Variants in FREM1 observed in about 807,000 individuals in gnomAD.
The protein encoded by FREM1 is FRAS1-related extracellular matrix protein 1.
A neutral mutation model predicts 210.1 loss-of-function variants in FREM1; 220 were observed. That is an observed-to-expected ratio of 1.05 (90% CI 0.94 to 1.17). The LOEUF is 1.17. FREM1 is among the 50% of genes most tolerant of loss of function. The pLI is 0.00. For synonymous variants in FREM1, 1,189 were observed against 980.2 expected (o/e 1.21, Z -3.98); for missense variants, 3,454 against 2,675.5 (o/e 1.29, Z -6.42).
At chr9:14,890,306 A>C (rs1377123207) in intron 1 of FREM1, among the ~76,000 whole-genome samples, 1 of 152,240 alleles carries the variant, frequency 6.6e-6, no homozygotes, top group Non-Finnish European at 1.5e-5. Flanking sequence ...CCAATAGCTC[A>C]AACTCTACCC....
rs140156733 is a variant in FREM1 at position 14,852,106 on chromosome 9, C to T, written c.829-499G>A. ...GCACTCACCAACAACCTCCTCCAGCCGCCTTCCTCACCTCCTGTCATGTAG... is the reference window on the plus strand; with the variant it reads ...GCACTCACCAACAACCTCCTCCAGCTGCCTTCCTCACCTCCTGTCATGTAG... On this transcript the variant is annotated intron_variant, in intron 5 of 36. Transcript: ENST00000380880. 1.3e-3 allele frequency among the ~76,000 whole-genome samples: 200 copies of T among 152,302 alleles called. 1 individual carries two copies. Among genetic ancestry groups the T allele is most frequent in the African/African-American group, 4.3e-3 (178 of 41,558 alleles).
At chr9:14,847,577 G>A (rs1384701943) in intron 7 of FREM1, among the ~76,000 whole-genome samples, 2 of 152,076 alleles carry the variant, frequency 1.3e-5, no homozygotes, top group Non-Finnish European at 2.9e-5. Flanking sequence ...AGGAACAATC[G>A]AGAAGCCTAG....
At chr9:14,788,852 C>T (rs1320668117) in intron 23 of FREM1, 67 bp downstream of exon 23, 17 of 1,199,166 alleles carry the variant, frequency 1.4e-5, no homozygotes, top group Middle Eastern at 2.0e-4. Flanking sequence ...GAGAAAGAAA[C>T]GAATGTGGAA....
At chr9:14,877,769 G>A (rs971247183) in intron 1 of FREM1, among the ~76,000 whole-genome samples, 7 of 152,114 alleles carry the variant, frequency 4.6e-5, no homozygotes, top group African/African-American at 1.2e-4. Flanking sequence ...AATGAAGGCC[G>A]TCAACATCTT....
chr9:14,824,898 G>C lies in FREM1; in HGVS notation c.1976C>G (p.Ala659Gly), dbSNP rs781088204. 6.2e-7 allele frequency: 1 copy of C among 1,612,200 alleles called. No individual in the cohort carries two copies. Among genetic ancestry groups the C allele is most frequent in the South Asian group, 1.1e-5 (1 of 90,478 alleles). ...ATGTAGCTGTTTCTTAGTTATATAGGCCACCTCAGTTTCCTTGACAACCAA... is the reference window on the plus strand; with the variant it reads ...ATGTAGCTGTTTCTTAGTTATATAGCCCACCTCAGTTTCCTTGACAACCAA... ...RHLVVKETEV[A>G]YITKKQLHFI... Residue 659 changes from alanine (A) to glycine (G), a missense_variant, in exon 11 of 37, where the codon GCC (alanine) becomes GGC (glycine). Coordinates refer to ENST00000380880, the MANE Select transcript of FREM1 (RefSeq NM_001379081.2).
At chr9:14,876,023 C>G (rs12235299) in intron 1 of FREM1, among the ~76,000 whole-genome samples, 9,552 of 152,194 alleles carry the variant, frequency 0.063, 356 homozygotes, top group East Asian at 0.14. Flanking sequence ...GCTGTCTGAT[C>G]GTTCCTCTGG....
At chr9:14,899,558 A>G (rs1312756523) in intron 1 of FREM1, among the ~76,000 whole-genome samples, 1 of 152,244 alleles carries the variant, frequency 6.6e-6, no homozygotes, top group Non-Finnish European at 1.5e-5. Flanking sequence ...AGGAGGATAC[A>G]GCAATGTAGA....
At chr9:14,902,787 T>C (rs116371508) in intron 1 of FREM1, among the ~76,000 whole-genome samples, 1 of 152,186 alleles carries the variant, frequency 6.6e-6, no homozygotes, top group African/African-American at 2.4e-5. Context: ...TGCCAAACTC[T>C]AAGTCCAGAG....
In FREM1 at chr9:14,784,553, A is replaced by G; in HGVS notation, c.4259T>C (p.Val1420Ala). 6.2e-7 allele frequency: 1 copy of G among 1,613,480 alleles called. No individual in the cohort carries two copies. The highest frequency in any genetic ancestry group is 8.5e-7 in the Non-Finnish European group (1 of 1,179,714). ...TTCCTCAGGCTTGTCTGTTCCGTCC[A>G]CAGCCAGGAGCGTGGTGGTTGTTAA... ...GFLTTTTLLAVDGTDKPEELL... is the reference protein window; with the variant it reads ...GFLTTTTLLAADGTDKPEELL... Residue 1420 changes from valine to alanine, a missense_variant, in exon 24 of 37, where the codon GTG becomes GCG. Val to Ala is a moderately conservative substitution (Grantham distance 64). Coordinates refer to ENST00000380880, the MANE Select transcript of FREM1 (RefSeq NM_001379081.2).
intron 19 of FREM1, 84 bp from the exon 20 acceptor site, chr9:14,801,958 G>T: frequency 1.0e-6 from 1 of 952,708 alleles, no homozygotes; most frequent in Admixed American, 2.3e-5. Flanking sequence ...GAAATCACTT[G>T]AATATATCCT....
intron 15 of FREM1, 93 bp downstream of exon 15, chr9:14,816,685 C>G (rs986294029): frequency 1.7e-5 from 10 of 600,716 alleles, no homozygotes; most frequent in Non-Finnish European, 2.5e-5. Flanking sequence ...AAATAAATTT[C>G]TTTTCATTAT....
intron 27 of FREM1, among the ~76,000 whole-genome samples, chr9:14,768,456 G>C (rs947515230): frequency 6.6e-6 from 1 of 151,874 alleles, no homozygotes; most frequent in Non-Finnish European, 1.5e-5. Context: ...AATGGGTGGA[G>C]GTCATATGTT....
intron 15 of FREM1, among the ~76,000 whole-genome samples, chr9:14,813,878 C>T (rs1249003301): frequency 2.0e-5 from 3 of 152,212 alleles, no homozygotes; most frequent in Non-Finnish European, 4.4e-5. Flanking sequence ...CCCTAATGCT[C>T]AGCCAAAGTG....
chr9:14,869,042 G>T lies in FREM1; in HGVS notation c.-65C>A. 9 of 1,160,044 alleles carry T rather than the reference G, an allele frequency of 7.8e-6. No individual in the cohort carries two copies. The highest frequency in any genetic ancestry group is 1.1e-5 in the Non-Finnish European group (9 of 830,284). The allele number at this position is 1,160,044 out of a possible 1,614,324, so 71.9% of individuals were successfully genotyped here. On this transcript the variant is annotated 5_prime_UTR_variant, in exon 2 of 37. Coordinates refer to ENST00000380880, the MANE Select transcript of FREM1 (RefSeq NM_001379081.2). Reference sequence around the variant, plus strand: ...CCCTTTAACAAAGGAGGGCTTCTGTGCTTCCTCCTGGAGGGTCAGCTCATA... The same window carrying T: ...CCCTTTAACAAAGGAGGGCTTCTGTTCTTCCTCCTGGAGGGTCAGCTCATA...
chr9:14,908,823 C>T (rs958217547), intron 1 of FREM1, among the ~76,000 whole-genome samples: 2 of 152,140 alleles, frequency 1.3e-5, no homozygotes. Context: ...ATCCTTTGGG[C>T]CTGGGAACTG....
intron 12 of FREM1, among the ~76,000 whole-genome samples, chr9:14,823,673 T>C (rs1045318401): frequency 6.6e-6 from 1 of 152,206 alleles, no homozygotes; most frequent in Admixed American, 6.5e-5. Context: ...GTTCATGGTA[T>C]ATTGTTGTCA....
chr9:14,775,974 A>C lies in FREM1; in HGVS notation c.4672T>G (p.Trp1558Gly). The change falls in exon 25 of 37, where the codon TGG (tryptophan) becomes GGG (glycine). Residue 1558 changes from tryptophan to glycine, a missense_variant. Physicochemically the swap from Trp to Gly is radical, Grantham distance 184 (BLOSUM62 -2). Transcript: ENST00000380880. ...TTGTGTTGAAGTAGCCCTGTCCCCCACAGGTAGAGCTGGCCATGCTGGGGG... is the reference window on the plus strand; with the variant it reads ...TTGTGTTGAAGTAGCCCTGTCCCCCCCAGGTAGAGCTGGCCATGCTGGGGG... ...QLPQHGQLYL[W>G]GTGLLQHNFT... is the part of the protein sequence containing the mutation. 1 of 1,613,988 alleles carries C rather than the reference A, an allele frequency of 6.2e-7. No homozygotes were observed. Among genetic ancestry groups the C allele is most frequent in the Non-Finnish European group, 8.5e-7 (1 of 1,179,890 alleles).
intron 19 of FREM1, among the ~76,000 whole-genome samples, chr9:14,803,069 CTT>C (rs1817605197): frequency 3.9e-5 from 5 of 126,598 alleles, no homozygotes; most frequent in Non-Finnish European, 3.2e-5. Flanking sequence ...TCTTTTCTTT[CTT>C]TCTCTTTCCT....
rs1403821387 is a variant in FREM1, at chr9:14,782,266, T to C, written c.4442+2104A>G. 8.7e-6 allele frequency: 4 copies of C among 460,226 alleles called. No individual in the cohort carries two copies. In the South Asian group the frequency reaches 3.7e-4, roughly 43 times the overall value. 28.5% of individuals were successfully genotyped at this position (460,226 alleles called of 1,614,324 possible). On this transcript the variant is annotated intron_variant, in intron 24 of 36. Coordinates refer to ENST00000380880, the MANE Select transcript of FREM1 (RefSeq NM_001379081.2). ...GGGATAAATGATTTCTAAAATGCCA[T>C]CTAATAAGACTTTCTCTGGATGCAA...
Sources: gnomAD v4.1 joint callset for allele counts (sites outside exome capture counted in the v4.1 genomes callset) on GRCh38, gnomAD v4.1.1 for gene constraint, MANE v1.5 for transcripts, NCBI Gene and HGNC (gene_info 2026-07-23, HGNC 2026-07-21) for gene names.